THSD7A: variants seen among roughly 807,000 people sequenced by gnomAD.
THSD7A encodes thrombospondin type-1 domain-containing protein 7A.
THSD7A carries 96 observed loss-of-function variants against 231.3 expected under a neutral mutation model. That is an observed-to-expected ratio of 0.41 (90% CI 0.35 to 0.49). THSD7A has a LOEUF of 0.49. Among genes scored for constraint, THSD7A ranks in the 20% least tolerant of loss-of-function variants. The probability of loss-of-function intolerance (pLI) is 0.05; values close to 1 mark genes in which losing one functional copy is unlikely to be tolerated. For missense variants in THSD7A, 2,290 were observed against 2,070.2 expected, an observed-to-expected ratio of 1.11 and a Z score of -2.06; for synonymous variants, 940 against 743.3, an observed-to-expected ratio of 1.26 and a Z score of -4.30.
At chr7:11,823,484 C>G (rs1408201220) in intron 1 of THSD7A, among the ~76,000 whole-genome samples, 1 of 151,832 alleles carries the variant, frequency 6.6e-6, no homozygotes, top group Non-Finnish European at 1.5e-5. Context: ...TTTTCTAATT[C>G]TGTGAAACAT....
At chr7:11,819,075 A>G (rs1784793570) in intron 1 of THSD7A, among the ~76,000 whole-genome samples, 2 of 152,164 alleles carry the variant, frequency 1.3e-5, no homozygotes. Flanking sequence ...TGACAAGCAA[A>G]TGAAAAGATG....
At chr7:11,648,532 G>C (rs1373185337) in intron 1 of THSD7A, among the ~76,000 whole-genome samples, 1 of 151,664 alleles carries the variant, frequency 6.6e-6, no homozygotes, top group East Asian at 1.9e-4. Context: ...TTATTTGGTG[G>C]GCTTCATTAT....
chr7:11,530,884 G>A lies in THSD7A; in HGVS notation c.1822+10535C>T, dbSNP rs117944455. 2.9e-3 allele frequency among the ~76,000 whole-genome samples: 441 copies of A among 152,160 alleles called. 1 individual carries two copies. Among genetic ancestry groups the A allele is most frequent in the Non-Finnish European group, 5.1e-3 (347 of 67,976 alleles). On this transcript the variant is annotated intron_variant, in intron 6 of 27. Coordinates refer to ENST00000423059, the MANE Select transcript of THSD7A (RefSeq NM_015204.3). ...AAATTAGCCATGCATGGTCGCGGGT[G>A]TCTGTAATCCCAACTACTTGGGAGG...
In THSD7A at chr7:11,461,875, C is replaced by T. The variant is rs983055897; in HGVS notation, c.2501+136G>A. 7.1e-6 allele frequency: 8 copies of T among 1,122,432 alleles called. No homozygotes were observed. The Admixed American group carries it at 1.8e-4, about 26-fold the overall frequency. The allele number at this position is 1,122,432 out of a possible 1,614,324, so 69.5% of individuals were successfully genotyped here. ...TCTGCTGAAGAGACAAGAATGGCAG[C>T]TACAGCCATAAACATCCCAACTCCA... is the stretch of plus-strand genomic sequence containing the variant. On this transcript the variant is annotated intron_variant, in intron 10 of 27. Transcript: ENST00000423059.
chr7:11,523,965 T>G (rs1562683841), intron 6 of THSD7A, among the ~76,000 whole-genome samples: 1 of 152,204 alleles, frequency 6.6e-6, no homozygotes, highest in Non-Finnish European at 1.5e-5. Flanking sequence ...ATTTGAGGTT[T>G]ATAACATATG....
chr7:11,545,972 C>G (rs1175764160), intron 4 of THSD7A, among the ~76,000 whole-genome samples: 1 of 152,160 alleles, frequency 6.6e-6, no homozygotes, highest in Non-Finnish European at 1.5e-5. Flanking sequence ...TATCTTCCAG[C>G]CCGTCCCAGG....
intron 6 of THSD7A, among the ~76,000 whole-genome samples, chr7:11,538,804 C>CT (rs1288536114): frequency 3.3e-5 from 5 of 152,094 alleles, no homozygotes; most frequent in African/African-American, 1.2e-4. Flanking sequence ...CCTGGGGTCT[C>CT]TTACAACCCT....
At chr7:11,824,183 T>G (rs985358574) in intron 1 of THSD7A, among the ~76,000 whole-genome samples, 13 of 152,064 alleles carry the variant, frequency 8.5e-5, no homozygotes, top group Non-Finnish European at 1.6e-4. Context: ...AAGATATATT[T>G]TCTCAAGTGC....
intron 4 of THSD7A, among the ~76,000 whole-genome samples, chr7:11,588,196 A>G (rs558228481): frequency 6.6e-6 from 1 of 152,246 alleles, no homozygotes; most frequent in South Asian, 2.1e-4. Flanking sequence ...CCCACAGCCT[A>G]ATTGTTCTCC....
At chr7:11,776,209 A>C (rs547428335) in intron 1 of THSD7A, among the ~76,000 whole-genome samples, 1 of 152,318 alleles carries the variant, frequency 6.6e-6, no homozygotes, top group African/African-American at 2.4e-5. Context: ...AAAGATCTGA[A>C]ACATGAAAGT....
intron 6 of THSD7A, among the ~76,000 whole-genome samples, chr7:11,482,834 C>T (rs1293884546): frequency 2.0e-5 from 3 of 151,986 alleles, no homozygotes; most frequent in South Asian, 2.1e-4. Context: ...TTGCTGAATG[C>T]GTGAAATGAG....
chr7:11,456,795 C>T (rs965633840), intron 11 of THSD7A, among the ~76,000 whole-genome samples: 1 of 151,910 alleles, frequency 6.6e-6, no homozygotes, highest in Admixed American at 6.6e-5. Flanking sequence ...AAAAAACAGG[C>T]TGCGGACTGG....
intron 1 of THSD7A, among the ~76,000 whole-genome samples, chr7:11,743,567 G>T (rs1364673333): frequency 6.6e-6 from 1 of 151,682 alleles, no homozygotes; most frequent in African/African-American, 2.4e-5. Flanking sequence ...ATCCTTCTTA[G>T]TACATTTTAA....
At chr7:11,599,412 A>AGACC (rs1271317810) in intron 2 of THSD7A, among the ~76,000 whole-genome samples, 2 of 152,206 alleles carry the variant, frequency 1.3e-5, no homozygotes, top group African/African-American at 4.8e-5. Context: ...GCAGAAAAGA[A>AGACC]GACCGTAATT....
intron 13 of THSD7A, among the ~76,000 whole-genome samples, chr7:11,442,262 A>T (rs1784829414): frequency 6.6e-6 from 1 of 152,056 alleles, no homozygotes. Flanking sequence ...AAGTTCAAAA[A>T]TAACAGAATT....
At chr7:11,489,610 A>G (rs1053198145) in intron 6 of THSD7A, among the ~76,000 whole-genome samples, 13 of 152,078 alleles carry the variant, frequency 8.5e-5, no homozygotes, top group African/African-American at 3.1e-4. Flanking sequence ...TGGCAAACAC[A>G]GATGGACTAA....
Position 11,375,408 on chromosome 7 carries a change from AAACTCT to A in THSD7A, c.*380_*385del. ...CATAGTATTGTGGAGATCTTGGTAG[AAACTCT>A]TCATGCTAGGAAGTTTTATGGATTA... is the stretch of plus-strand genomic sequence containing the variant. On this transcript the variant is annotated 3_prime_UTR_variant, in exon 28 of 28. Coordinates refer to ENST00000423059, the MANE Select transcript of THSD7A (RefSeq NM_015204.3). The A allele has an allele frequency of 3.9e-5, 6 of 155,436 alleles. No individual in the cohort carries two copies. The highest frequency in any genetic ancestry group is 7.0e-5 in the Non-Finnish European group (5 of 71,332). 9.6% of individuals were successfully genotyped at this position (155,436 alleles called of 1,614,324 possible). A position where few individuals can be genotyped will look rare whatever the true frequency, so the allele number is the denominator to read the frequency against.
At chr7:11,817,471 T>C (rs149322082) in intron 1 of THSD7A, among the ~76,000 whole-genome samples, 2 of 152,306 alleles carry the variant, frequency 1.3e-5, no homozygotes, top group East Asian at 3.9e-4. Context: ...GTAATTACAC[T>C]GTTGACTCTG....
rs1288031428 is a variant in THSD7A, at chr7:11,429,022, C to T, written c.3168G>A (p.Lys1056=). ...TTTCACGCAGCCATTTAGAACGAACCTTCACACCACTCCCACAGGACTTGC... is the reference window on the plus strand; with the variant it reads ...TTTCACGCAGCCATTTAGAACGAACTTTCACACCACTCCCACAGGACTTGC... ...RCSKSCGSGV[K]VRSKWLREKP... is the part of the protein sequence containing the mutation. The change falls in exon 14 of 28, where the codon AAG becomes AAA. Residue 1056 remains lysine, a synonymous_variant. Coordinates refer to ENST00000423059, the MANE Select transcript of THSD7A (RefSeq NM_015204.3). 6.2e-7 allele frequency: 1 copy of T among 1,613,090 alleles called. No individual in the cohort carries two copies. Among genetic ancestry groups the T allele is most frequent in the African/African-American group, 1.3e-5 (1 of 74,882 alleles).
Sources: allele counts gnomAD v4.1 joint callset (sites outside exome capture counted in the v4.1 genomes callset), GRCh38; gene constraint gnomAD v4.1.1; transcripts MANE v1.5; gene names NCBI Gene and HGNC (gene_info 2026-07-23, HGNC 2026-07-21).